Variants in PLGRKT observed in about 807,000 individuals in gnomAD.
The protein encoded by PLGRKT is plasminogen receptor with a C-terminal lysine, also known as plasminogen receptor (KT).
PLGRKT carries 22 observed loss-of-function variants against 18.5 expected under a neutral mutation model. The ratio of observed to expected loss-of-function variants is 1.19; its 90% CI spans 0.85 to 1.70. The LOEUF (loss-of-function observed/expected upper bound fraction) is 1.70, where lower values mean the gene tolerates loss of function less well. Among genes scored for constraint, PLGRKT ranks in the 40% most tolerant of loss-of-function variants. The pLI is 0.00. For synonymous variants in PLGRKT, 72 were observed against 52.8 expected, an observed-to-expected ratio of 1.36 and a Z score of -1.58; for missense variants, 235 against 174.4, an observed-to-expected ratio of 1.35 and a Z score of -1.96.
intron 3 of PLGRKT, among the ~76,000 whole-genome samples, chr9:5,409,537 T>A (rs1818320917): frequency 6.6e-6 from 1 of 152,088 alleles, no homozygotes; most frequent in East Asian, 1.9e-4. Flanking sequence ...AAACTCCCCT[T>A]TATATATATA....
chr9:5,435,032 T>C (rs1818932062), intron 2 of PLGRKT, among the ~76,000 whole-genome samples: 1 of 151,924 alleles, frequency 6.6e-6, no homozygotes, highest in African/African-American at 2.4e-5. Context: ...AACCCCCTGC[T>C]CTCTGAAACA....
intron 3 of PLGRKT, among the ~76,000 whole-genome samples, chr9:5,364,478 A>G (rs7860592): frequency 0.75 from 114,541 of 152,050 alleles, 43,896 homozygotes; most frequent in African/African-American, 0.9. Flanking sequence ...TACAGCACAG[A>G]GTGAACCTTA....
At chr9:5,381,474 C>A (rs374641768) in intron 3 of PLGRKT, among the ~76,000 whole-genome samples, 1 of 152,192 alleles carries the variant, frequency 6.6e-6, no homozygotes, top group African/African-American at 2.4e-5. Context: ...TGTGGGTGCA[C>A]AGAAGTCAAG....
intron 2 of PLGRKT, among the ~76,000 whole-genome samples, chr9:5,432,240 C>A (rs545430923): frequency 6.6e-6 from 1 of 152,278 alleles, no homozygotes; most frequent in East Asian, 1.9e-4. Flanking sequence ...CTTCCCTGCT[C>A]TATAAGTATA....
chr9:5,405,742 G>C (rs1204101312), intron 3 of PLGRKT, among the ~76,000 whole-genome samples: 2 of 152,090 alleles, frequency 1.3e-5, no homozygotes, highest in African/African-American at 4.8e-5. Context: ...TGCAACAAAA[G>C]CAAAAATTGA....
chr9:5,429,916 A>G (rs1042172026), intron 3 of PLGRKT, among the ~76,000 whole-genome samples: 1 of 152,182 alleles, frequency 6.6e-6, no homozygotes, highest in Non-Finnish European at 1.5e-5. Context: ...GGGGTGGGTC[A>G]ACCAGGACAC....
chr9:5,403,476 CG>C (rs1460569314), intron 3 of PLGRKT, among the ~76,000 whole-genome samples: 1 of 152,104 alleles, frequency 6.6e-6, no homozygotes, highest in Admixed American at 6.5e-5. Context: ...CCGCCTGCCT[CG>C]GCCTCCCAAA....
At chr9:5,423,284 G>C (rs575063046) in intron 3 of PLGRKT, among the ~76,000 whole-genome samples, 21 of 152,174 alleles carry the variant, frequency 1.4e-4, no homozygotes, top group African/African-American at 5.1e-4. Flanking sequence ...CAACTGGCAC[G>C]TGATAGACAC....
At chr9:5,387,167 G>A (rs1267964602) in intron 3 of PLGRKT, among the ~76,000 whole-genome samples, 1 of 151,862 alleles carries the variant, frequency 6.6e-6, no homozygotes, top group Non-Finnish European at 1.5e-5. Context: ...TTTAGAAAAT[G>A]GACCATATTA....
chr9:5,436,105 G>C (rs1818954098), intron 2 of PLGRKT, among the ~76,000 whole-genome samples: 1 of 152,220 alleles, frequency 6.6e-6, no homozygotes, highest in African/African-American at 2.4e-5. Flanking sequence ...CCTGTGACCA[G>C]AGTTAGAGGC....
chr9:5,423,349 C>T (rs1447809604), intron 3 of PLGRKT, among the ~76,000 whole-genome samples: 1 of 152,188 alleles, frequency 6.6e-6, no homozygotes. Flanking sequence ...AGGAATACCT[C>T]CCAGTATGTG....
chr9:5,395,045 C>A (rs1467725838), intron 3 of PLGRKT, among the ~76,000 whole-genome samples: 4 of 145,034 alleles, frequency 2.8e-5, no homozygotes, highest in African/African-American at 1.0e-4. Flanking sequence ...GGCATTATGA[C>A]AATGAAACAT....
chr9:5,401,494 C>T (rs16923006), intron 3 of PLGRKT, among the ~76,000 whole-genome samples: 1,896 of 151,920 alleles, frequency 0.012, 74 homozygotes, highest in African/African-American at 0.044. Context: ...CTTCTATGGC[C>T]TGTAACCCAG....
chr9:5,383,369 G>A (rs1817782042), intron 3 of PLGRKT, among the ~76,000 whole-genome samples: 1 of 152,162 alleles, frequency 6.6e-6, no homozygotes, highest in South Asian at 2.1e-4. Context: ...CTCCTCAGCT[G>A]CTAGCTGGAT....
intron 3 of PLGRKT, among the ~76,000 whole-genome samples, chr9:5,374,735 TA>T (rs1461849347): frequency 6.6e-6 from 1 of 152,212 alleles, no homozygotes; most frequent in African/African-American, 2.4e-5. Context: ...GATTTTAATA[TA>T]AAAACAAAAG....
intron 3 of PLGRKT, among the ~76,000 whole-genome samples, chr9:5,415,556 A>G (rs999424117): frequency 6.6e-6 from 1 of 152,216 alleles, no homozygotes; most frequent in African/African-American, 2.4e-5. Flanking sequence ...GAAAGAAAAA[A>G]TAGTAACTTT....
chr9:5,374,639 G>A (rs1480208015), intron 3 of PLGRKT, among the ~76,000 whole-genome samples: 4 of 152,144 alleles, frequency 2.6e-5, no homozygotes, highest in African/African-American at 9.7e-5. Context: ...CAAACTTCCT[G>A]AGCTTCAGGA....
At chr9:5,413,127 T>C (rs892076875) in intron 3 of PLGRKT, among the ~76,000 whole-genome samples, 1 of 152,186 alleles carries the variant, frequency 6.6e-6, no homozygotes, top group Admixed American at 6.5e-5. Flanking sequence ...CACTTTCAAA[T>C]TGATAAACCC....
At chr9:5,387,676 G>T (rs1356899529) in intron 3 of PLGRKT, among the ~76,000 whole-genome samples, 1 of 151,746 alleles carries the variant, frequency 6.6e-6, no homozygotes, top group Non-Finnish European at 1.5e-5. Flanking sequence ...CTGCGGGGGG[G>T]CTGGGAATGA....
Sources: allele counts gnomAD v4.1 joint callset (sites outside exome capture counted in the v4.1 genomes callset), GRCh38; gene constraint gnomAD v4.1.1; transcripts MANE v1.5; gene names NCBI Gene and HGNC (gene_info 2026-07-23, HGNC 2026-07-21).